MITF: variants seen among roughly 807,000 people sequenced by gnomAD.
MITF encodes microphthalmia-associated transcription factor.
In MITF, 17 loss-of-function variants were observed where a neutral mutation model predicts 60.5. That is an observed-to-expected ratio of 0.28 (90% CI 0.19 to 0.42). The LOEUF is 0.42. Ranked by LOEUF, MITF falls within the 10% of genes least tolerant of loss-of-function variation. The pLI is 1.00. For synonymous variants in MITF, 260 were observed against 248.5 expected, an observed-to-expected ratio of 1.05 and a Z score of -0.43; for missense variants, 622 against 683.5, an observed-to-expected ratio of 0.91 and a Z score of 1.00.
intron 9 of MITF, among the ~76,000 whole-genome samples, chr3:69,962,932 G>A (rs559786616): frequency 3.3e-5 from 5 of 152,216 alleles, no homozygotes; most frequent in African/African-American, 1.2e-4. Flanking sequence ...TTGTCAGCAG[G>A]GTTGGTCCCT....
chr3:69,865,309 C>G (rs992730666), intron 1 of MITF, among the ~76,000 whole-genome samples: 1 of 152,108 alleles, frequency 6.6e-6, no homozygotes, highest in Non-Finnish European at 1.5e-5. Flanking sequence ...AGTAACTTGC[C>G]CAGTGTATGC....
rs1311468352 is a variant in MITF, at chr3:69,739,590, C to T, written c.-8C>T. ...TTTCCAGCAGTGGAAGGACGGGAAG[C>T]GGGAGCCATGCAGTCCGAATCGGGG... On this transcript the variant is annotated 5_prime_UTR_variant, in exon 1 of 10. Transcript: ENST00000352241. The T allele has an allele frequency of 3.2e-6, 5 of 1,564,150 alleles. No homozygotes were observed. The highest frequency in any genetic ancestry group is 4.3e-6 in the Non-Finnish European group (5 of 1,152,214).
intron 5 of MITF, among the ~76,000 whole-genome samples, chr3:69,944,036 A>G (rs1242260976): frequency 6.6e-6 from 1 of 152,140 alleles, no homozygotes; most frequent in Admixed American, 6.6e-5. Flanking sequence ...CAAGGATGCA[A>G]TGAATCATGA....
intron 1 of MITF, among the ~76,000 whole-genome samples, chr3:69,755,854 T>C (rs1031639304): frequency 2.2e-4 from 33 of 152,204 alleles, no homozygotes; most frequent in Admixed American, 5.2e-4. Flanking sequence ...CTGCTGCTGC[T>C]CACCTTACTG....
chr3:69,903,673 AAATTG>A (rs2065039635), intron 2 of MITF, among the ~76,000 whole-genome samples: 1 of 152,148 alleles, frequency 6.6e-6, no homozygotes, highest in African/African-American at 2.4e-5. Flanking sequence ...GAGTGTTGTT[AAATTG>A]CCAACCAATT....
intron 1 of MITF, among the ~76,000 whole-genome samples, chr3:69,789,822 C>G (rs1031454751): frequency 7.9e-5 from 12 of 152,290 alleles, no homozygotes; most frequent in Admixed American, 7.8e-4. Context: ...CACCACTGCA[C>G]TGCAGCCTGG....
chr3:69,951,445 T>C (rs376763057), intron 6 of MITF, among the ~76,000 whole-genome samples: 1 of 152,176 alleles, frequency 6.6e-6, no homozygotes, highest in East Asian at 1.9e-4. Context: ...TTCTATGGCC[T>C]GAAAAGAAAA....
chr3:69,844,944 A>G (rs542129638), intron 1 of MITF, among the ~76,000 whole-genome samples: 1 of 152,308 alleles, frequency 6.6e-6, no homozygotes, highest in Admixed American at 6.5e-5. Flanking sequence ...TTTCCTTAAA[A>G]TAGAACAGGC....
Position 69,760,087 on chromosome 3 carries a change from C to A in MITF, c.104+20386C>A, listed in dbSNP as rs949300866. 2.0e-5 allele frequency among the ~76,000 whole-genome samples: 3 copies of A among 152,206 alleles called. No individual in the cohort carries two copies. The South Asian group carries it at 6.2e-4, about 32-fold the overall frequency. The stretch of plus-strand genomic sequence containing the variant: ...GCCACTGCGCCCAGCCCTGATCTCT[C>A]ATTTTTATCAGTTTGTTTGCCAATA... On this transcript the variant is annotated intron_variant, in intron 1 of 9. Coordinates refer to ENST00000352241, the MANE Select transcript of MITF (RefSeq NM_001354604.2).
intron 1 of MITF, among the ~76,000 whole-genome samples, chr3:69,822,591 C>G (rs1175779625): frequency 6.6e-6 from 1 of 152,140 alleles, no homozygotes; most frequent in Non-Finnish European, 1.5e-5. Flanking sequence ...CCAACCCGAA[C>G]AGAAACAAGA....
intron 1 of MITF, among the ~76,000 whole-genome samples, chr3:69,856,216 T>C (rs2063915877): frequency 6.6e-6 from 1 of 152,218 alleles, no homozygotes; most frequent in South Asian, 2.1e-4. Flanking sequence ...CAATCAATGT[T>C]TCCTAAATTT....
intron 1 of MITF, among the ~76,000 whole-genome samples, chr3:69,806,243 C>A (rs556385735): frequency 1.2e-4 from 19 of 152,008 alleles, no homozygotes; most frequent in African/African-American, 4.1e-4. Context: ...CACCACTATG[C>A]CTGGCTAATT....
At chr3:69,946,116 A>T (rs1425456232) in intron 5 of MITF, among the ~76,000 whole-genome samples, 1 of 152,204 alleles carries the variant, frequency 6.6e-6, no homozygotes. Flanking sequence ...TGATCACTGA[A>T]GTAGCAGGCA....
intron 2 of MITF, chr3:69,936,501 A>C: frequency 3.0e-6 from 3 of 998,020 alleles, no homozygotes; most frequent in Non-Finnish European, 4.0e-6. Context: ...TAGGGCTTCC[A>C]AAAAAAAGGC....
At chr3:69,853,914 G>T (rs1278503135) in intron 1 of MITF, among the ~76,000 whole-genome samples, 3 of 148,114 alleles carry the variant, frequency 2.0e-5, no homozygotes, top group Non-Finnish European at 4.5e-5. Flanking sequence ...AGGCTGGAGT[G>T]CAGTGGTGTG....
At chr3:69,869,463 G>T (rs187077801) in intron 1 of MITF, among the ~76,000 whole-genome samples, 92 of 152,242 alleles carry the variant, frequency 6.0e-4, no homozygotes, top group Middle Eastern at 3.4e-3. Context: ...AGCCATGTTT[G>T]GAAATGAATA....
chr3:69,942,196 TTTA>T (rs1300241957), intron 5 of MITF, among the ~76,000 whole-genome samples: 7 of 152,206 alleles, frequency 4.6e-5, no homozygotes, highest in Non-Finnish European at 2.9e-5. Flanking sequence ...AGGGGAGTTG[TTTA>T]ATGGGTATGG....
At chr3:69,940,814 G>A (rs566398797) in intron 4 of MITF, among the ~76,000 whole-genome samples, 1 of 152,212 alleles carries the variant, frequency 6.6e-6, no homozygotes, top group Non-Finnish European at 1.5e-5. Flanking sequence ...AGGCAGTTTA[G>A]CATAGTTGTG....
rs2107277448 is a variant in MITF at position 69,879,278 on chromosome 3, C to A, written c.249C>A (p.Ala83=). ...AGCAGCAGCAGAAGCTGCAGGCGGC[C>A]CAGTTCATGCAACAGAGAGTGCCCG... ...RREQQQKLQA[A]QFMQQRVPVS... Residue 83 remains alanine (A), a synonymous_variant, in exon 2 of 10, where the codon GCC becomes GCA. Transcript: ENST00000352241. 1 of 1,614,214 alleles carries A rather than the reference C, an allele frequency of 6.2e-7. No homozygotes were observed. Among genetic ancestry groups the A allele is most frequent in the Non-Finnish European group, 8.5e-7 (1 of 1,180,040 alleles).
Sources: allele counts gnomAD v4.1 joint callset (sites outside exome capture counted in the v4.1 genomes callset), GRCh38; gene constraint gnomAD v4.1.1; transcripts MANE v1.5; gene names NCBI Gene and HGNC (gene_info 2026-07-23, HGNC 2026-07-21).